FKTN: variants seen among roughly 807,000 people sequenced by gnomAD.
The protein encoded by FKTN is ribitol-5-phosphate transferase FKTN.
In FKTN, 47 loss-of-function variants were observed where a neutral mutation model predicts 58.6. That is an observed-to-expected ratio of 0.80 (90% CI 0.63 to 1.02). The LOEUF (loss-of-function observed/expected upper bound fraction) is 1.02. Among genes scored for constraint, FKTN ranks in the 50% least tolerant of loss-of-function variants. FKTN has a pLI of 0.00. For missense variants in FKTN, 516 were observed against 537.3 expected (o/e 0.96, Z 0.39); for synonymous variants, 178 against 191.9 (o/e 0.93, Z 0.60).
chr9:105,619,187 A>T (rs1352001245), intron 9 of FKTN, among the ~76,000 whole-genome samples: 2 of 152,202 alleles, frequency 1.3e-5, no homozygotes, highest in Non-Finnish European at 2.9e-5. Flanking sequence ...AGCTCTAGTT[A>T]TTCAGCAAAC....
Position 105,574,967 on chromosome 9 carries a change from C to G in FKTN, c.-66C>G, listed in dbSNP as rs990303663. On this transcript the variant is annotated 5_prime_UTR_variant, in exon 3 of 11. Transcript: ENST00000357998. ...CAGAAAACAAAATTATCTTCCTTTC[C>G]AAATCCAAAAAGATGAAAACGACTG... is the stretch of plus-strand genomic sequence containing the variant. 1.4e-5 allele frequency: 13 copies of G among 905,344 alleles called. No homozygotes were observed. Among genetic ancestry groups the G allele is most frequent in the Non-Finnish European group, 2.4e-5 (13 of 538,382 alleles). The allele number at this position is 905,344 out of a possible 1,614,324, so 56.1% of individuals were successfully genotyped here.
intron 3 of FKTN, among the ~76,000 whole-genome samples, chr9:105,593,195 G>A (rs570582868): frequency 7.9e-5 from 12 of 152,264 alleles, no homozygotes; most frequent in East Asian, 3.9e-4. Context: ...AGGTGAAGGC[G>A]GAACCAGCAC....
chr9:105,561,403 A>C (rs1321973374), intron 1 of FKTN, among the ~76,000 whole-genome samples: 2 of 152,200 alleles, frequency 1.3e-5, no homozygotes, highest in Non-Finnish European at 2.9e-5. Flanking sequence ...TTTAAAAAAA[A>C]CTTAGTTTTT....
At chr9:105,594,307 T>C (rs1287548392) in intron 3 of FKTN, among the ~76,000 whole-genome samples, 2 of 152,030 alleles carry the variant, frequency 1.3e-5, no homozygotes, top group Non-Finnish European at 2.9e-5. Flanking sequence ...CTCAGTGAAA[T>C]AGAAAGCAAT....
At chr9:105,620,113 G>A (rs1831581509) in intron 10 of FKTN, 52 bp downstream of exon 10, 2 of 1,493,074 alleles carry the variant, frequency 1.3e-6, no homozygotes, top group Non-Finnish European at 1.9e-6. Context: ...AATAATTTCA[G>A]GAGGTAGAAA....
intron 10 of FKTN, among the ~76,000 whole-genome samples, chr9:105,625,974 T>C (rs1832688872): frequency 1.3e-5 from 2 of 152,214 alleles, no homozygotes; most frequent in African/African-American, 4.8e-5. Context: ...TTTTATTTTA[T>C]ATAAACTAGA....
chr9:105,596,510 T>G (rs1252585768), intron 3 of FKTN, 88 bp from the exon 4 acceptor site: 5 of 823,390 alleles, frequency 6.1e-6, no homozygotes, highest in South Asian at 5.5e-5. Context: ...TATAAGCTAA[T>G]TATATTTTGA....
chr9:105,587,310 G>A (rs1211054523), intron 3 of FKTN, among the ~76,000 whole-genome samples: 1 of 152,048 alleles, frequency 6.6e-6, no homozygotes, highest in Non-Finnish European at 1.5e-5. Context: ...GAAGGAGGGA[G>A]GAGGGAGTTG....
At position 105,636,775 on chromosome 9, in the gene FKTN, A is replaced by G. The variant is rs886063326; in HGVS notation, c.*1511A>G. ...CCAGAGAACAATAGTAGTCTCAAGA[A>G]TGGAAACCTGAATGTCTGAGGGAAT... On this transcript the variant is annotated 3_prime_UTR_variant, in exon 11 of 11. Transcript: ENST00000357998. 3 of 1,280,814 alleles carry G rather than the reference A, an allele frequency of 2.3e-6. No individual in the cohort carries two copies. Among genetic ancestry groups the G allele is most frequent in the Non-Finnish European group, 3.1e-6 (3 of 972,964 alleles). 79.3% of individuals were successfully genotyped at this position (1,280,814 alleles called of 1,614,324 possible).
At chr9:105,574,574 A>T (rs993359087) in intron 2 of FKTN, among the ~76,000 whole-genome samples, 1 of 151,934 alleles carries the variant, frequency 6.6e-6, no homozygotes, top group Non-Finnish European at 1.5e-5. Flanking sequence ...TCTCCTTTGG[A>T]AGTGGTTCTC....
At chr9:105,566,477 G>A (rs1460919909) in intron 1 of FKTN, among the ~76,000 whole-genome samples, 4 of 152,034 alleles carry the variant, frequency 2.6e-5, no homozygotes, top group Non-Finnish European at 5.9e-5. Flanking sequence ...TATCACCACC[G>A]ATCCCACCGA....
chr9:105,583,497 A>G (rs1005467696), intron 3 of FKTN, among the ~76,000 whole-genome samples: 1 of 152,018 alleles, frequency 6.6e-6, no homozygotes, highest in Admixed American at 6.5e-5. Flanking sequence ...CCATATGTAT[A>G]TTGGTTCTTT....
intron 4 of FKTN, among the ~76,000 whole-genome samples, chr9:105,597,210 CACA>C (rs1826973486): frequency 6.6e-6 from 1 of 152,092 alleles, no homozygotes. Flanking sequence ...ACTAATAAAA[CACA>C]ACATTTATTC....
At chr9:105,561,359 A>G (rs1021559449) in intron 1 of FKTN, among the ~76,000 whole-genome samples, 3 of 152,194 alleles carry the variant, frequency 2.0e-5, no homozygotes, top group South Asian at 4.1e-4. Flanking sequence ...AATATTTGTC[A>G]TTTCATTTAG....
In FKTN at chr9:105,639,867, C is replaced by T; in HGVS notation, c.*4603C>T. On this transcript the variant is annotated 3_prime_UTR_variant, in exon 11 of 11. Coordinates refer to ENST00000357998, the MANE Select transcript of FKTN (RefSeq NM_001079802.2). ...TACTGTACTTCACTAGATTTGGTAC[C>T]TGCTCTCCCCTGGACTTCTTTTTCA... 1 of 1,355,458 alleles carries T rather than the reference C, an allele frequency of 7.4e-7. No homozygotes were observed. Among genetic ancestry groups the T allele is most frequent in the South Asian group, 1.9e-5 (1 of 53,508 alleles). The allele number at this position is 1,355,458 out of a possible 1,614,324, so 84.0% of individuals were successfully genotyped here. A position where few individuals can be genotyped will look rare whatever the true frequency, so the allele number is the denominator to read the frequency against.
In FKTN at chr9:105,638,218, A is replaced by G. The variant is rs1834179366; in HGVS notation, c.*2954A>G. Reference sequence around the variant, plus strand: ...CGCATCACAACACAGTATCTTTAACAGTGCTTGAGATGCTTAACAGAGAAG... The same window carrying G: ...CGCATCACAACACAGTATCTTTAACGGTGCTTGAGATGCTTAACAGAGAAG... On this transcript the variant is annotated 3_prime_UTR_variant, in exon 11 of 11. Coordinates refer to ENST00000357998, the MANE Select transcript of FKTN (RefSeq NM_001079802.2). The G allele has an allele frequency of 1.0e-6, 1 of 985,306 alleles. No individual in the cohort carries two copies. Among genetic ancestry groups the G allele is most frequent in the Non-Finnish European group, 1.2e-6 (1 of 829,928 alleles). 61.0% of individuals were successfully genotyped at this position (985,306 alleles called of 1,614,324 possible). A position where few individuals can be genotyped will look rare whatever the true frequency, so the allele number is the denominator to read the frequency against.
At chr9:105,600,407 A>G (rs762945864) in intron 4 of FKTN, among the ~76,000 whole-genome samples, 42 of 152,188 alleles carry the variant, frequency 2.8e-4, no homozygotes, top group Non-Finnish European at 5.1e-4. Flanking sequence ...CTTTTAAGCA[A>G]TAGTGTATGC....
chr9:105,627,069 T>C (rs1449862939), intron 10 of FKTN, among the ~76,000 whole-genome samples: 1 of 151,040 alleles, frequency 6.6e-6, no homozygotes, highest in East Asian at 1.9e-4. Flanking sequence ...ACCTCCCAGG[T>C]TCAAGCAGTT....
intron 3 of FKTN, among the ~76,000 whole-genome samples, chr9:105,577,254 C>T (rs1045979987): frequency 2.0e-5 from 3 of 147,276 alleles, no homozygotes; most frequent in African/African-American, 7.7e-5. Context: ...ATGCCTATGT[C>T]CTGAATGGTA....
Sources: gnomAD v4.1 joint callset for allele counts (sites outside exome capture counted in the v4.1 genomes callset) on GRCh38, gnomAD v4.1.1 for gene constraint, MANE v1.5 for transcripts, NCBI Gene and HGNC (gene_info 2026-07-23, HGNC 2026-07-21) for gene names.